Variants in CACHD1 observed in about 807,000 individuals in gnomAD.
CACHD1 encodes cache domain containing 1.
A neutral mutation model predicts 138.7 loss-of-function variants in CACHD1; 71 were observed. That is an observed-to-expected ratio of 0.51 (90% CI 0.42 to 0.62). The LOEUF is 0.62. Among genes scored for constraint, CACHD1 ranks in the 20% least tolerant of loss-of-function variants. The pLI, the probability that CACHD1 is intolerant of heterozygous loss-of-function variation, is 0.00. For synonymous variants in CACHD1, 578 were observed against 591.5 expected (o/e 0.98, Z 0.33); for missense variants, 1,389 against 1,625.3 (o/e 0.85, Z 2.50).
chr1:64,492,031 C>A (rs970780072), intron 1 of CACHD1, among the ~76,000 whole-genome samples: 2 of 150,406 alleles, frequency 1.3e-5, no homozygotes, highest in South Asian at 2.1e-4. Context: ...CCTGAAAGTA[C>A]CTTTCACTAG....
intron 1 of CACHD1, among the ~76,000 whole-genome samples, chr1:64,502,918 T>C (rs1646348044): frequency 6.6e-6 from 1 of 152,232 alleles, no homozygotes; most frequent in Admixed American, 6.5e-5. Flanking sequence ...CCATTTTGGG[T>C]GCATTGATCT....
At position 64,691,844 on chromosome 1, in the gene CACHD1, CA is replaced by C; in HGVS notation, c.*286del. 1 of 413,108 alleles carries C rather than the reference CA, an allele frequency of 2.4e-6. No individual in the cohort carries two copies. Among genetic ancestry groups the C allele is most frequent in the Non-Finnish European group, 4.5e-6 (1 of 223,674 alleles). 25.6% of individuals were successfully genotyped at this position (413,108 alleles called of 1,614,324 possible). On this transcript the variant is annotated 3_prime_UTR_variant, in exon 27 of 27. Coordinates refer to ENST00000651257, the MANE Select transcript of CACHD1 (RefSeq NM_020925.4). ...TGGAAGGTAACAGAAGGCGAACCTC[CA>C]AACACAGAGACGGAACCTGCAAGTG...
At chr1:64,508,033 G>A (rs1646390443) in intron 1 of CACHD1, among the ~76,000 whole-genome samples, 1 of 152,194 alleles carries the variant, frequency 6.6e-6, no homozygotes, top group Admixed American at 6.5e-5. Context: ...GGAGGCCTCA[G>A]GAAACTTAAA....
intron 1 of CACHD1, among the ~76,000 whole-genome samples, chr1:64,535,721 C>T (rs1016279122): frequency 2.0e-5 from 3 of 152,110 alleles, no homozygotes; most frequent in South Asian, 2.1e-4. Flanking sequence ...GAAACGTCCC[C>T]TAGTAAAGGA....
chr1:64,471,919 G>T (rs1253831142), intron 1 of CACHD1, among the ~76,000 whole-genome samples: 1 of 152,058 alleles, frequency 6.6e-6, no homozygotes, highest in Non-Finnish European at 1.5e-5. Flanking sequence ...AATCCACTTG[G>T]CCATAAAGGC....
At chr1:64,528,761 G>A (rs897349830) in intron 1 of CACHD1, among the ~76,000 whole-genome samples, 8 of 151,304 alleles carry the variant, frequency 5.3e-5, no homozygotes, top group African/African-American at 1.9e-4. Context: ...TTTTTTTTGT[G>A]GGATCTCTGA....
At position 64,658,539 on chromosome 1, in the gene CACHD1, C is replaced by G. The variant is rs80209189; in HGVS notation, c.1783-166C>G. Among the ~76,000 whole-genome samples, 203 of 152,280 alleles carry G rather than the reference C, an allele frequency of 1.3e-3. 1 individual carries two copies. The highest frequency in any genetic ancestry group is 2.1e-3 in the Admixed American group (32 of 15,292). ...AAAACAGAAAATACAAAATTAGATACCTTCTATCACCCTATCCTCATGTCT... is the reference window on the plus strand; with the variant it reads ...AAAACAGAAAATACAAAATTAGATAGCTTCTATCACCCTATCCTCATGTCT... On this transcript the variant is annotated intron_variant, in intron 12 of 26. Transcript: ENST00000651257.
At chr1:64,538,391 C>G (rs1447759236) in intron 1 of CACHD1, among the ~76,000 whole-genome samples, 3 of 152,156 alleles carry the variant, frequency 2.0e-5, no homozygotes, top group African/African-American at 7.2e-5. Context: ...TTTAAGTCAG[C>G]AAATATAATT....
At chr1:64,673,691 T>C (rs546322592) in intron 19 of CACHD1, among the ~76,000 whole-genome samples, 1 of 152,312 alleles carries the variant, frequency 6.6e-6, no homozygotes, top group Non-Finnish European at 1.5e-5. Context: ...GTTGGTATTT[T>C]GTTTTGGTTT....
intron 2 of CACHD1, among the ~76,000 whole-genome samples, chr1:64,561,179 TC>T (rs1396557440): frequency 1.3e-5 from 2 of 151,830 alleles, no homozygotes; most frequent in Admixed American, 6.6e-5. Context: ...GTTTTTTTTT[TC>T]ATTAGCTCCT....
chr1:64,496,485 C>T (rs17394875), intron 1 of CACHD1, among the ~76,000 whole-genome samples: 3,540 of 152,122 alleles, frequency 0.023, 63 homozygotes, highest in Non-Finnish European at 0.038. Context: ...AGTAAACAAC[C>T]TTCCCAGTCT....
Position 64,542,027 on chromosome 1 carries a change from T to G in CACHD1, c.199-8567T>G, listed in dbSNP as rs185646331. ...AGAATGTTATTATAGTCTTAAAGGA[T>G]TAACTATAGTAAAATAGAATAATAG... is the stretch of plus-strand genomic sequence containing the variant. On this transcript the variant is annotated intron_variant, in intron 1 of 26. Transcript: ENST00000651257. 6.1e-3 allele frequency among the ~76,000 whole-genome samples: 922 copies of G among 152,188 alleles called. 2 individuals are homozygous for G. Among genetic ancestry groups the G allele is most frequent in the Non-Finnish European group, 9.0e-3 (612 of 67,972 alleles).
At chr1:64,590,152 A>G (rs1172402957) in intron 3 of CACHD1, among the ~76,000 whole-genome samples, 2 of 152,024 alleles carry the variant, frequency 1.3e-5, no homozygotes, top group Non-Finnish European at 2.9e-5. Flanking sequence ...CTAAAAACAA[A>G]CAAAACAAAC....
intron 1 of CACHD1, among the ~76,000 whole-genome samples, chr1:64,471,739 TC>T (rs1195499732): frequency 2.6e-5 from 4 of 152,186 alleles, no homozygotes; most frequent in African/African-American, 9.7e-5. Flanking sequence ...TGAATAAGGT[TC>T]CCATTTCTCC....
intron 1 of CACHD1, among the ~76,000 whole-genome samples, chr1:64,511,073 G>A (rs1290984577): frequency 6.6e-6 from 1 of 152,096 alleles, no homozygotes; most frequent in East Asian, 1.9e-4. Flanking sequence ...TAGATATTTT[G>A]GACTGTGCTT....
At chr1:64,627,663 T>C (rs79691822) in intron 4 of CACHD1, among the ~76,000 whole-genome samples, 90 of 152,328 alleles carry the variant, frequency 5.9e-4, no homozygotes, top group Non-Finnish European at 5.1e-4. Context: ...TTCCTGATGC[T>C]ACATATGGTA....
chr1:64,528,801 A>G, intron 1 of CACHD1, among the ~76,000 whole-genome samples: 1 of 152,048 alleles, frequency 6.6e-6, no homozygotes, highest in Non-Finnish European at 1.5e-5. Context: ...ATTATTTAAG[A>G]ATAACCTGGT....
intron 12 of CACHD1, 58 bp from the exon 13 acceptor site, chr1:64,658,647 C>T (rs1211039428): frequency 7.4e-7 from 1 of 1,348,328 alleles, no homozygotes; most frequent in African/African-American, 1.4e-5. Context: ...TATGCAAAGT[C>T]CCTGTCCCCA....
At chr1:64,521,734 T>C (rs1646499319) in intron 1 of CACHD1, among the ~76,000 whole-genome samples, 1 of 152,212 alleles carries the variant, frequency 6.6e-6, no homozygotes. Flanking sequence ...TTTTGAGTGG[T>C]ATTGCTGGTT....
Sources: allele counts gnomAD v4.1 joint callset (sites outside exome capture counted in the v4.1 genomes callset), GRCh38; gene constraint gnomAD v4.1.1; transcripts MANE v1.5; gene names NCBI Gene and HGNC (gene_info 2026-07-23, HGNC 2026-07-21).